Variants in TBC1D5 observed in about 807,000 individuals in gnomAD.
TBC1D5 encodes TBC1 domain family member 5, also known as TBC1 domain family, member 5.
A neutral mutation model predicts 100.3 loss-of-function variants in TBC1D5; 75 were observed. The ratio of observed to expected loss-of-function variants is 0.75; its 90% CI spans 0.62 to 0.91. The LOEUF (loss-of-function observed/expected upper bound fraction) is 0.91. Ranked by LOEUF, TBC1D5 falls within the 40% of genes least tolerant of loss-of-function variation. The pLI, the probability that TBC1D5 is intolerant of heterozygous loss-of-function variation, is 0.00. For missense variants in TBC1D5, 910 were observed against 942.4 expected, an observed-to-expected ratio of 0.97 and a Z score of 0.45; for synonymous variants, 323 against 325.6, an observed-to-expected ratio of 0.99 and a Z score of 0.09.
intron 3 of TBC1D5, among the ~76,000 whole-genome samples, chr3:17,490,346 C>T (rs775616369): frequency 6.6e-6 from 1 of 152,100 alleles, no homozygotes; most frequent in African/African-American, 2.4e-5. Flanking sequence ...TTAATTAGAT[C>T]CCATTTGTCA....
intron 1 of TBC1D5, among the ~76,000 whole-genome samples, chr3:17,712,596 C>T (rs984153092): frequency 6.6e-6 from 1 of 152,180 alleles, no homozygotes; most frequent in Non-Finnish European, 1.5e-5. Flanking sequence ...TACAGTCCTA[C>T]TCATGGTCCT....
At chr3:17,528,616 C>T (rs561905917) in intron 2 of TBC1D5, among the ~76,000 whole-genome samples, 2 of 152,088 alleles carry the variant, frequency 1.3e-5, no homozygotes, top group Non-Finnish European at 2.9e-5. Flanking sequence ...TGTTCTACTC[C>T]TCTTTCACCC....
intron 2 of TBC1D5, among the ~76,000 whole-genome samples, chr3:17,562,556 A>T (rs1385034721): frequency 2.0e-5 from 3 of 152,034 alleles, no homozygotes; most frequent in Non-Finnish European, 4.4e-5. Context: ...TACACTAAAC[A>T]CTGCTCAAAA....
intron 1 of TBC1D5, among the ~76,000 whole-genome samples, chr3:17,729,070 C>T (rs528421770): frequency 1.6e-5 from 2 of 127,432 alleles, no homozygotes; most frequent in African/African-American, 5.8e-5. Context: ...AACAAAGGCT[C>T]AAACAGGCAA....
intron 19 of TBC1D5, among the ~76,000 whole-genome samples, chr3:17,173,099 T>G (rs1462794495): frequency 6.6e-6 from 1 of 152,240 alleles, no homozygotes. Context: ...CGTGCCATGT[T>G]ACCTCAGTGA....
At chr3:17,658,980 G>C (rs1389382313) in intron 1 of TBC1D5, among the ~76,000 whole-genome samples, 1 of 152,132 alleles carries the variant, frequency 6.6e-6, no homozygotes, top group South Asian at 2.1e-4. Flanking sequence ...TAATACAAGA[G>C]AAATCATCAA....
intron 19 of TBC1D5, among the ~76,000 whole-genome samples, chr3:17,173,810 G>C (rs1344341870): frequency 2.0e-5 from 3 of 152,186 alleles, no homozygotes; most frequent in Non-Finnish European, 4.4e-5. Flanking sequence ...TTATAAAATA[G>C]AGAGGTGGGA....
intron 16 of TBC1D5, among the ~76,000 whole-genome samples, chr3:17,247,682 T>C (rs2076851447): frequency 1.3e-5 from 2 of 152,330 alleles, no homozygotes; most frequent in South Asian, 2.1e-4. Context: ...ATGATGCTAT[T>C]TGATAGCATT....
intron 1 of TBC1D5, among the ~76,000 whole-genome samples, chr3:17,732,272 C>T (rs1398645279): frequency 1.3e-5 from 2 of 151,576 alleles, no homozygotes; most frequent in Non-Finnish European, 2.9e-5. Context: ...GAGTTAAGGT[C>T]ACACCACTGC....
chr3:17,712,331 GA>G (rs1219380641), intron 1 of TBC1D5, among the ~76,000 whole-genome samples: 1 of 152,080 alleles, frequency 6.6e-6, no homozygotes, highest in African/African-American at 2.4e-5. Flanking sequence ...CAAGAGTCTG[GA>G]AATCAGAACC....
intron 1 of TBC1D5, among the ~76,000 whole-genome samples, chr3:17,694,792 T>C (rs978516587): frequency 6.6e-6 from 1 of 152,032 alleles, no homozygotes; most frequent in Non-Finnish European, 1.5e-5. Context: ...AGACACACAA[T>C]TGTCAGATTC....
chr3:17,608,840 T>C (rs1203078605), intron 2 of TBC1D5, among the ~76,000 whole-genome samples: 3 of 152,188 alleles, frequency 2.0e-5, no homozygotes, highest in African/African-American at 7.2e-5. Context: ...TGAATCAGCA[T>C]AAACCAGTCA....
intron 2 of TBC1D5, chr3:17,562,190 A>C (rs2096563394): frequency 6.6e-6 from 1 of 152,038 alleles, no homozygotes; most frequent in South Asian, 2.1e-4. Flanking sequence ...AAACTAAGCA[A>C]ACAAAATATA....
rs77419224 is a variant in TBC1D5 at position 17,736,366 on chromosome 3, T to C, written c.-101+2977A>G. On this transcript the variant is annotated intron_variant, in intron 1 of 21. Transcript: ENST00000253692. ...ATAAAGAGACTTAAATTAACCCCAA[T>C]CTTAGAGAAATGAAGGTGGGTGAGG... Among the ~76,000 whole-genome samples the C allele has an allele frequency of 5.6e-3, 849 of 152,244 alleles. 3 individuals are homozygous for C. The highest frequency in any genetic ancestry group is 9.4e-3 in the Non-Finnish European group (638 of 68,018).
intron 18 of TBC1D5, 79 bp from the exon 20 acceptor site, chr3:17,185,287 A>C: frequency 1.6e-6 from 2 of 1,222,796 alleles, no homozygotes; most frequent in Admixed American, 4.1e-5. Flanking sequence ...AATGATCTAG[A>C]CTAGTTTAAA....
intron 18 of TBC1D5, among the ~76,000 whole-genome samples, chr3:17,203,897 A>C (rs1161290925): frequency 6.6e-6 from 1 of 152,188 alleles, no homozygotes; most frequent in African/African-American, 2.4e-5. Context: ...CCTAGCCTTC[A>C]ACTGACTGTC....
intron 13 of TBC1D5, among the ~76,000 whole-genome samples, chr3:17,351,430 C>T (rs184207890): frequency 9.9e-4 from 150 of 152,160 alleles, no homozygotes; most frequent in Non-Finnish European, 1.7e-3. Flanking sequence ...TCCTTTTCAG[C>T]GACATGGATG....
intron 3 of TBC1D5, among the ~76,000 whole-genome samples, chr3:17,454,911 T>C (rs1181264089): frequency 1.3e-5 from 2 of 151,658 alleles, no homozygotes; most frequent in Non-Finnish European, 2.9e-5. Context: ...CTATCAAAGA[T>C]TGATGAAACA....
At chr3:17,709,407 CCCCTCCCA>C (rs573420260) in intron 1 of TBC1D5, among the ~76,000 whole-genome samples, 28 of 152,194 alleles carry the variant, frequency 1.8e-4, no homozygotes, top group Non-Finnish European at 3.7e-4. Context: ...ATTCTGCCTT[CCCCTCCCA>C]CCCTAAATCC....
Sources: allele counts gnomAD v4.1 joint callset (sites outside exome capture counted in the v4.1 genomes callset), GRCh38; gene constraint gnomAD v4.1.1; transcripts MANE v1.5; gene names NCBI Gene and HGNC (gene_info 2026-07-23, HGNC 2026-07-21).